BRCA2: variants seen among roughly 807,000 people sequenced by gnomAD.
BRCA2 encodes BRCA2 DNA repair associated, also known as breast cancer type 2 susceptibility protein.
BRCA2 carries 203 observed loss-of-function variants against 276.7 expected under a neutral mutation model. The observed-to-expected ratio is 0.73, with a 90% CI of 0.65 to 0.82. The LOEUF (loss-of-function observed/expected upper bound fraction) is 0.82, where lower values mean the gene tolerates loss of function less well. Among genes scored for constraint, BRCA2 ranks in the 40% least tolerant of loss-of-function variants. The probability of loss-of-function intolerance (pLI) is 0.00; values close to 1 mark genes in which losing one functional copy is unlikely to be tolerated. For synonymous variants in BRCA2, 1,289 were observed against 1,338.4 expected (o/e 0.96, Z 0.81); for missense variants, 3,920 against 3,915.0 (o/e 1.00, Z -0.03).
chr13:32,347,652 A>G (rs939775155), intron 13 of BRCA2, among the ~76,000 whole-genome samples: 1 of 152,144 alleles, frequency 6.6e-6, no homozygotes, highest in Non-Finnish European at 1.5e-5. Flanking sequence ...ATCAGATACA[A>G]ATCTGTATGT....
intron 10 of BRCA2, among the ~76,000 whole-genome samples, chr13:32,334,903 A>AT (rs995196131): frequency 1.3e-5 from 2 of 152,162 alleles, no homozygotes; most frequent in Admixed American, 1.3e-4. Flanking sequence ...TTACAAAGTG[A>AT]TTTTATCTCC....
intron 24 of BRCA2, among the ~76,000 whole-genome samples, chr13:32,380,463 C>G (rs1174306163): frequency 2.6e-5 from 4 of 151,122 alleles, no homozygotes; most frequent in Non-Finnish European, 4.4e-5. Flanking sequence ...ATATTGGTGT[C>G]CTCAATTTAT....
intron 13 of BRCA2, among the ~76,000 whole-genome samples, chr13:32,352,544 TG>T (rs1369635070): frequency 4.6e-5 from 7 of 152,114 alleles, no homozygotes; most frequent in Non-Finnish European, 1.0e-4. Context: ...GACTGCTCAA[TG>T]GGAAAAGTAC....
chr13:32,323,513 TA>T (rs2137443134), intron 3 of BRCA2, among the ~76,000 whole-genome samples: 1 of 152,326 alleles, frequency 6.6e-6, no homozygotes, highest in African/African-American at 2.4e-5. Flanking sequence ...TATCTTTAAT[TA>T]AAAATCTCAT....
intron 3 of BRCA2, among the ~76,000 whole-genome samples, chr13:32,321,976 G>C (rs1331197786): frequency 2.0e-5 from 3 of 151,642 alleles, no homozygotes; most frequent in Admixed American, 2.0e-4. Context: ...TTTCATTGCT[G>C]AACTAAAATG....
At chr13:32,363,940 CTT>C (rs1283675095) in intron 18 of BRCA2, among the ~76,000 whole-genome samples, 2 of 152,134 alleles carry the variant, frequency 1.3e-5, no homozygotes, top group Non-Finnish European at 2.9e-5. Context: ...TAACAGGACT[CTT>C]TGTCATATTG....
rs1555281587 is a variant in BRCA2 at position 32,332,266 on chromosome 13, T to C, written c.794-6T>C. On this transcript the variant is annotated splice_polypyrimidine_tract_variant and splice_region_variant and intron_variant, in intron 9 of 26. Transcript: ENST00000380152. ...ATTAATGTGCTTCTGTTTTATACTT[T>C]AACAGGATTTGGAAAAACATCAGGG... is the stretch of plus-strand genomic sequence containing the variant. 6.3e-7 allele frequency: 1 copy of C among 1,594,888 alleles called. No homozygotes were observed. The highest frequency in any genetic ancestry group is 1.1e-5 in the South Asian group (1 of 88,382).
At chr13:32,324,084 A>G (rs373077433) in intron 3 of BRCA2, among the ~76,000 whole-genome samples, 3 of 152,224 alleles carry the variant, frequency 2.0e-5, no homozygotes, top group Non-Finnish European at 4.4e-5. Context: ...TATACCAGAC[A>G]TTTTTGTAGT....
At chr13:32,372,050 T>C (rs967461417) in intron 20 of BRCA2, among the ~76,000 whole-genome samples, 1 of 152,210 alleles carries the variant, frequency 6.6e-6, no homozygotes, top group African/African-American at 2.4e-5. Context: ...TGTGGCAATT[T>C]CTTAAAATAA....
At position 32,325,184 on chromosome 13, in the gene BRCA2, G is replaced by T. The variant is rs397507713; in HGVS notation, c.425G>T (p.Ser142Ile). Residue 142 changes from serine to isoleucine, a missense_variant and splice_region_variant, in exon 4 of 27, where the codon AGT becomes ATT. Physicochemically the swap from Ser to Ile is moderately radical, Grantham distance 142 (BLOSUM62 -2). Transcript: ENST00000380152. The part of the protein sequence containing the change: ...CPLLNSCLSE[S>I]PVVLQCTHVT... The stretch of plus-strand genomic sequence containing the variant: ...CTTCTAAATTCTTGTCTTAGTGAAA[G>T]GTATGATGAAGCTATTATATTAAAA... 2.6e-6 allele frequency: 4 copies of T among 1,545,108 alleles called. No individual in the cohort carries two copies. Among genetic ancestry groups the T allele is most frequent in the Admixed American group, 1.7e-5 (1 of 59,886 alleles).
Position 32,336,427 on chromosome 13 carries a change from C to A in BRCA2, c.2072C>A (p.Ala691Glu), listed in dbSNP as rs868546240. ...TCTCAGGATCTTGATTATAAAGAAGCAAAATGTAATAAGGAAAAACTACAG... is the reference window on the plus strand; with the variant it reads ...TCTCAGGATCTTGATTATAAAGAAGAAAAATGTAATAAGGAAAAACTACAG... Reference protein sequence around the residue: ...VISQDLDYKEAKCNKEKLQLF... With the variant: ...VISQDLDYKEEKCNKEKLQLF... Residue 691 changes from alanine (A) to glutamate (E), a missense_variant, in exon 11 of 27, where the codon GCA becomes GAA. Around this residue, in one of 2 missense-constraint regions of BRCA2, gnomAD observed 3,263 missense variants for 3,156.9 expected, o/e 1.03. Coordinates refer to ENST00000380152, the MANE Select transcript of BRCA2 (RefSeq NM_000059.4). 1 of 1,613,646 alleles carries A rather than the reference C, an allele frequency of 6.2e-7. No homozygotes were observed. Among genetic ancestry groups the A allele is most frequent in the Non-Finnish European group, 8.5e-7 (1 of 1,179,796 alleles).
chr13:32,346,307 C>T (rs1486567361), intron 12 of BRCA2, among the ~76,000 whole-genome samples: 1 of 151,864 alleles, frequency 6.6e-6, no homozygotes, highest in African/African-American at 2.4e-5. Flanking sequence ...TTGTTGTTTA[C>T]TTAAGAATTA....
chr13:32,384,614 A>T (rs1192370439), intron 24 of BRCA2: 1 of 205,076 alleles, frequency 4.9e-6, no homozygotes, highest in African/African-American at 2.3e-5. Context: ...ATGTCAGAGG[A>T]GTCCGGCTAA....
chr13:32,369,229 T>A (rs1185572559), intron 18 of BRCA2, among the ~76,000 whole-genome samples: 1 of 151,820 alleles, frequency 6.6e-6, no homozygotes, highest in African/African-American at 2.4e-5. Context: ...TTTTTTTTTT[T>A]AATGCTGCAG....
chr13:32,343,360 C>A (rs570076416), intron 11 of BRCA2, among the ~76,000 whole-genome samples: 9 of 152,080 alleles, frequency 5.9e-5, no homozygotes, highest in Non-Finnish European at 1.3e-4. Flanking sequence ...CCTATAAACT[C>A]ATAAAAATAT....
Position 32,340,108 on chromosome 13 carries a change from A to C in BRCA2, c.5753A>C (p.His1918Pro). 6.2e-7 allele frequency: 1 copy of C among 1,613,828 alleles called. No individual in the cohort carries two copies. The highest frequency in any genetic ancestry group is 8.5e-7 in the Non-Finnish European group (1 of 1,179,810). ...LDNDECSTHSHKVFADIQSEE... is the reference protein window; with the variant it reads ...LDNDECSTHSPKVFADIQSEE... The stretch of plus-strand genomic sequence containing the variant: ...AATGATGAATGTAGCACGCATTCAC[A>C]TAAGGTTTTTGCTGACATTCAGAGT... The change falls in exon 11 of 27, where the codon CAT becomes CCT. Residue 1918 changes from histidine to proline, a missense_variant. By Grantham distance (77) the His-to-Pro change is moderately conservative. Transcript: ENST00000380152.
At chr13:32,327,875 C>G (rs181556596) in intron 7 of BRCA2, among the ~76,000 whole-genome samples, 2 of 150,600 alleles carry the variant, frequency 1.3e-5, no homozygotes, top group Admixed American at 1.3e-4. Context: ...CTCAATTAAT[C>G]TTTCTTCCTC....
rs1566229403 is a variant in BRCA2 at position 32,338,281 on chromosome 13, T to C, written c.3926T>C (p.Ile1309Thr). The change falls in exon 11 of 27, where the codon ATT becomes ACT. Residue 1309 changes from isoleucine (I) to threonine (T), a missense_variant. Transcript: ENST00000380152. ...EMTTGTFVEEITENYKRNTEN... is the reference protein window; with the variant it reads ...EMTTGTFVEETTENYKRNTEN... ...ACTACTGGCACTTTTGTTGAAGAAA[T>C]TACTGAAAATTACAAGAGAAATACT... 1 of 1,569,234 alleles carries C rather than the reference T, an allele frequency of 6.4e-7. No homozygotes were observed. Among genetic ancestry groups the C allele is most frequent in the African/African-American group, 1.4e-5 (1 of 72,936 alleles).
chr13:32,377,656 A>G (rs934581742), intron 21 of BRCA2, among the ~76,000 whole-genome samples: 2 of 151,996 alleles, frequency 1.3e-5, no homozygotes, highest in Non-Finnish European at 2.9e-5. Context: ...TAAATAATCT[A>G]TATAAAAGTT....
Sources: gnomAD v4.1 joint callset for allele counts (sites outside exome capture counted in the v4.1 genomes callset) on GRCh38, gnomAD v4.1.1 for gene constraint, gnomAD v4.1.1 regional missense constraint, MANE v1.5 for transcripts, NCBI Gene and HGNC (gene_info 2026-07-23, HGNC 2026-07-21) for gene names.